Variants in ARHGEF26 observed in about 807,000 individuals in gnomAD.
The protein encoded by ARHGEF26 is Rho guanine nucleotide exchange factor 26.
In ARHGEF26, 59 loss-of-function variants were observed where a neutral mutation model predicts 89.4. The ratio of observed to expected loss-of-function variants is 0.66; its 90% confidence interval spans 0.54 to 0.82. The LOEUF is 0.82. Ranked by LOEUF, ARHGEF26 falls within the 40% of genes least tolerant of loss-of-function variation. The probability of loss-of-function intolerance (pLI) is 0.00; values close to 1 mark genes in which losing one functional copy is unlikely to be tolerated. For missense variants in ARHGEF26, 1,234 were observed against 1,085.6 expected (o/e 1.14, Z -1.92); for synonymous variants, 500 against 428.4 (o/e 1.17, Z -2.06).
At position 154,257,664 on chromosome 3, in the gene ARHGEF26, T is replaced by G. The variant is rs959547745; in HGVS notation, c.*2191T>G. ...TGTTTGATTTCAACTGTGAATTGTC[T>G]TAAGTTTTTTCAAACCTAGTTGTTT... On this transcript the variant is annotated 3_prime_UTR_variant, in exon 15 of 15. Coordinates refer to ENST00000465093, the MANE Select transcript of ARHGEF26 (RefSeq NM_015595.4). 7.5e-5 allele frequency: 2 copies of G among 26,512 alleles called. No individual in the cohort carries two copies. Among genetic ancestry groups the G allele is most frequent in the Non-Finnish European group, 5.7e-5 (1 of 17,502 alleles). The allele number at this position is 26,512 out of a possible 1,614,324, so 1.6% of individuals were successfully genotyped here.
At chr3:154,141,460 T>A (rs1462604676) in intron 4 of ARHGEF26, among the ~76,000 whole-genome samples, 1 of 152,206 alleles carries the variant, frequency 6.6e-6, no homozygotes, top group Non-Finnish European at 1.5e-5. Flanking sequence ...TTGGCCTCCA[T>A]GATGTACTAT....
At chr3:154,200,966 A>G (rs987894897) in intron 9 of ARHGEF26, among the ~76,000 whole-genome samples, 3 of 151,356 alleles carry the variant, frequency 2.0e-5, no homozygotes, top group Non-Finnish European at 4.4e-5. Context: ...GAATTTGTTT[A>G]TTCTGATAGT....
intron 9 of ARHGEF26, among the ~76,000 whole-genome samples, chr3:154,199,693 G>A (rs1199909623): frequency 2.0e-5 from 3 of 151,962 alleles, no homozygotes; most frequent in African/African-American, 7.2e-5. Context: ...AGTGTATGAG[G>A]GTTCTCTTTT....
chr3:154,208,630 G>C (rs961473661), intron 9 of ARHGEF26, among the ~76,000 whole-genome samples: 42 of 151,556 alleles, frequency 2.8e-4, no homozygotes, highest in African/African-American at 9.5e-4. Flanking sequence ...TAATCATTTT[G>C]TATTCTTTTT....
chr3:154,202,354 C>A (rs765079237), intron 9 of ARHGEF26, among the ~76,000 whole-genome samples: 2 of 151,992 alleles, frequency 1.3e-5, no homozygotes, highest in Non-Finnish European at 2.9e-5. Context: ...GTTCTGTTCC[C>A]TTGGTCTATA....
At chr3:154,155,988 A>G (rs1321055780) in intron 6 of ARHGEF26, among the ~76,000 whole-genome samples, 1 of 152,002 alleles carries the variant, frequency 6.6e-6, no homozygotes, top group Admixed American at 6.6e-5. Flanking sequence ...GGGATTTCAT[A>G]TTGTTCTAGA....
intron 7 of ARHGEF26, 98 bp from the exon 8 acceptor site, chr3:154,191,191 A>C: frequency 7.9e-7 from 1 of 1,273,132 alleles, no homozygotes; most frequent in Non-Finnish European, 1.1e-6. Flanking sequence ...AGTTGATGCT[A>C]TATGGATTTA....
intron 7 of ARHGEF26, among the ~76,000 whole-genome samples, chr3:154,189,265 T>A (rs1713791544): frequency 6.6e-6 from 1 of 152,070 alleles, no homozygotes; most frequent in African/African-American, 2.4e-5. Context: ...ATTAGCTTAA[T>A]GATAACATCA....
Position 154,217,871 on chromosome 3 carries a change from G to C in ARHGEF26, c.1848G>C (p.Leu616Phe). 1 of 1,595,102 alleles carries C rather than the reference G, an allele frequency of 6.3e-7. No homozygotes were observed. Among genetic ancestry groups the C allele is most frequent in the Non-Finnish European group, 8.5e-7 (1 of 1,170,210 alleles). The stretch of plus-strand genomic sequence containing the variant: ...TCGTTACTCTTCTGTGTTCCCAGTT[G>C]GTTCGACTATGCAATGAGGGCGCCC... ...CKRALKEVSK[L>F]VRLCNEGARK... The change falls in exon 10 of 15, where the codon TTG becomes TTC. Residue 616 changes from leucine to phenylalanine, a missense_variant and splice_region_variant. Coordinates refer to ENST00000465093, the MANE Select transcript of ARHGEF26 (RefSeq NM_015595.4).
intron 6 of ARHGEF26, among the ~76,000 whole-genome samples, chr3:154,154,291 T>C (rs1345937496): frequency 6.6e-6 from 1 of 152,062 alleles, no homozygotes; most frequent in Non-Finnish European, 1.5e-5. Flanking sequence ...CCCAAAGAGC[T>C]CTGGTGTCTT....
At chr3:154,248,707 AATATG>A (rs1295149480) in intron 12 of ARHGEF26, among the ~76,000 whole-genome samples, 15 of 152,340 alleles carry the variant, frequency 9.8e-5, no homozygotes, top group African/African-American at 3.6e-4. Flanking sequence ...GAGCTAATGT[AATATG>A]ATAAACAAGA....
intron 11 of ARHGEF26, among the ~76,000 whole-genome samples, chr3:154,227,224 C>T (rs1159647051): frequency 6.6e-6 from 1 of 152,022 alleles, no homozygotes; most frequent in African/African-American, 2.4e-5. Flanking sequence ...ATTCTATTTC[C>T]ATATCTCCAA....
At chr3:154,168,863 GAA>G (rs1193567545) in intron 6 of ARHGEF26, among the ~76,000 whole-genome samples, 1 of 151,292 alleles carries the variant, frequency 6.6e-6, no homozygotes, top group African/African-American at 2.4e-5. Flanking sequence ...TTAAGCTCCT[GAA>G]AAAAGTCAGT....
At chr3:154,152,044 T>C (rs1018222069) in intron 5 of ARHGEF26, among the ~76,000 whole-genome samples, 1 of 152,208 alleles carries the variant, frequency 6.6e-6, no homozygotes, top group African/African-American at 2.4e-5. Flanking sequence ...ATTTCATCAT[T>C]AACAGTTATC....
At chr3:154,245,967 C>G (rs2108291791) in intron 12 of ARHGEF26, among the ~76,000 whole-genome samples, 1 of 152,292 alleles carries the variant, frequency 6.6e-6, no homozygotes, top group South Asian at 2.1e-4. Context: ...GGAGCTTTGG[C>G]CAGTCTGCCT....
rs527820201 is a variant in ARHGEF26 at position 154,159,854 on chromosome 3, A to C, written c.1487+6922A>C. ...TAAAGCTAAATTTTAAAGGAAAAAC[A>C]CATTAAATTTAACTAGGCCAGAGAA... On this transcript the variant is annotated intron_variant, in intron 6 of 14. Transcript: ENST00000465093. 2.0e-5 allele frequency among the ~76,000 whole-genome samples: 3 copies of C among 152,290 alleles called. No homozygotes were observed. The South Asian group carries it at 6.2e-4, about 32-fold the overall frequency.
At chr3:154,175,900 G>T (rs1264879269) in intron 6 of ARHGEF26, among the ~76,000 whole-genome samples, 1 of 152,220 alleles carries the variant, frequency 6.6e-6, no homozygotes, top group Non-Finnish European at 1.5e-5. Context: ...GAACTGTAAA[G>T]CATTATGCAA....
chr3:154,124,068 G>GT (rs11388880), intron 2 of ARHGEF26, among the ~76,000 whole-genome samples: 9,955 of 152,172 alleles, frequency 0.065, 851 homozygotes, highest in African/African-American at 0.19. Flanking sequence ...CATTTTATGT[G>GT]TTTTTTCCAA....
chr3:154,152,654 C>T (rs1720090523), intron 5 of ARHGEF26, 118 bp from the exon 6 acceptor site: 2 of 689,342 alleles, frequency 2.9e-6, no homozygotes, highest in East Asian at 6.5e-5. Context: ...TTGTACTTTC[C>T]AAGATACTAT....
Sources: gnomAD v4.1 joint callset for allele counts (sites outside exome capture counted in the v4.1 genomes callset) on GRCh38, gnomAD v4.1.1 for gene constraint, MANE v1.5 for transcripts, NCBI Gene and HGNC (gene_info 2026-07-23, HGNC 2026-07-21) for gene names.